The following CDK11A variants were observed in gnomAD, a reference collection of about 807,000 sequenced individuals.
The protein encoded by CDK11A is cyclin dependent kinase 11A.
Under a neutral mutation model 83.6 loss-of-function variants are expected in CDK11A, and 55 were observed. That is an observed-to-expected ratio of 0.66 (90% CI 0.53 to 0.82). CDK11A has a LOEUF of 0.82. CDK11A is among the 40% of genes least tolerant of loss of function. The pLI, the probability that CDK11A is intolerant of heterozygous loss-of-function variation, is 0.00. For missense variants in CDK11A, 564 were observed against 810.1 expected (o/e 0.70, Z 3.69); for synonymous variants, 247 against 302.7 (o/e 0.82, Z 1.91).
At position 1,702,511 on chromosome 1, in the gene CDK11A, C is replaced by T. The variant is rs1306907565; in HGVS notation, c.*396G>A. Among the ~76,000 whole-genome samples, 1 of 119,698 alleles carries T rather than the reference C, an allele frequency of 8.4e-6. No individual in the cohort carries two copies. The highest frequency in any genetic ancestry group is 2.9e-5 in the African/African-American group (1 of 35,064). 78.5% of individuals were successfully genotyped at this position (119,698 alleles called of 152,430 possible). A position where few individuals can be genotyped will look rare whatever the true frequency, so the allele number is the denominator to read the frequency against. On this transcript the variant is annotated 3_prime_UTR_variant, in exon 20 of 20. Transcript: ENST00000404249. ...CCTGTGTGGACAGGGCTGGTCTGGA[C>T]GAGTGGGTTGGGGCAAGAGGGCATC...
At chr1:1,708,546 C>T (rs1326255950) in intron 9 of CDK11A, among the ~76,000 whole-genome samples, 4 of 124,910 alleles carry the variant, frequency 3.2e-5, no homozygotes, top group Non-Finnish European at 5.4e-5. Context: ...GAGGCTGAGG[C>T]GGGAGGATCA....
intron 2 of CDK11A, among the ~76,000 whole-genome samples, chr1:1,722,270 A>C (rs887497558): frequency 2.0e-5 from 3 of 150,926 alleles, no homozygotes; most frequent in Non-Finnish European, 4.4e-5. Context: ...ATGATGCTAC[A>C]AATCTTAGCA....
At chr1:1,710,574 GAGAAACAA>G (rs1480465093) in intron 6 of CDK11A, among the ~76,000 whole-genome samples, 3 of 130,178 alleles carry the variant, frequency 2.3e-5, no homozygotes, top group African/African-American at 7.9e-5. Flanking sequence ...AAAAACACAA[GAGAAACAA>G]AGAAACAGGA....
chr1:1,720,037 A>T (rs1033672374), intron 3 of CDK11A, among the ~76,000 whole-genome samples: 11 of 150,946 alleles, frequency 7.3e-5, no homozygotes, highest in African/African-American at 2.7e-4. Context: ...CTGTGGTGAC[A>T]GTTTCAGGGG....
chr1:1,706,070 CT>C, intron 11 of CDK11A, among the ~76,000 whole-genome samples: 2 of 61,990 alleles, frequency 3.2e-5, no homozygotes, highest in South Asian at 9.1e-4. Context: ...TAGCAACACT[CT>C]GTTTTCTTTT....
At chr1:1,717,629 C>T (rs1644718682) in intron 4 of CDK11A, among the ~76,000 whole-genome samples, 1 of 33,030 alleles carries the variant, frequency 3.0e-5, no homozygotes, top group African/African-American at 5.5e-5. Flanking sequence ...TTTGCTCTCT[C>T]TGGTTTTCGG....
At chr1:1,717,825 A>G (rs796802245) in intron 4 of CDK11A, among the ~76,000 whole-genome samples, 115 of 141,828 alleles carry the variant, frequency 8.1e-4, no homozygotes, top group African/African-American at 2.9e-3. Flanking sequence ...GCTTTCAGCT[A>G]GAGTATCCTC....
At chr1:1,704,514 C>A (rs952261616) in intron 14 of CDK11A, 36 bp downstream of exon 14, 1 of 1,593,464 alleles carries the variant, frequency 6.3e-7, no homozygotes. Flanking sequence ...ACTGCCCCCA[C>A]TTGTACGCAG....
In CDK11A at chr1:1,702,603, T is replaced by C. The variant is rs1261483646; in HGVS notation, c.*304A>G. On this transcript the variant is annotated 3_prime_UTR_variant, in exon 20 of 20. Coordinates refer to ENST00000404249, the MANE Select transcript of CDK11A (RefSeq NM_024011.4). ...AAACAATCCACCCGGCTCCCACCAG[T>C]TCCTTTCCAAATCACGGCCCAGCCA... The C allele has an allele frequency of 1.5e-5, 6 of 408,650 alleles. 1 individual carries two copies. The highest frequency in any genetic ancestry group is 1.9e-5 in the Non-Finnish European group (4 of 215,708). The allele number at this position is 408,650 out of a possible 1,614,324, so 25.3% of individuals were successfully genotyped here.
intron 9 of CDK11A, 65 bp from the exon 10 acceptor site, chr1:1,708,310 C>A: frequency 7.0e-7 from 1 of 1,425,690 alleles, no homozygotes. Context: ...AGGCAGGATG[C>A]GGGCTCCGCT....
rs575020889 is a variant in CDK11A, at chr1:1,703,421, G to T, written c.2060+55C>A. 2,440 of 1,375,966 alleles carry T rather than the reference G, an allele frequency of 1.8e-3. 45 individuals carry two copies. Among genetic ancestry groups the T allele is most frequent in the African/African-American group, 8.1e-3 (297 of 36,818 alleles). 85.2% of individuals were successfully genotyped at this position (1,375,966 alleles called of 1,614,324 possible). A position where few individuals can be genotyped will look rare whatever the true frequency, so the allele number is the denominator to read the frequency against. ...TGAGCCAGCAGGTAGGCCTGGGACT[G>T]GGAAGTCACCGCTATGGCTCGGGAC... On this transcript the variant is annotated intron_variant, in intron 18 of 19. Transcript: ENST00000404249.
intron 11 of CDK11A, among the ~76,000 whole-genome samples, chr1:1,706,233 A>C (rs933526741): frequency 6.7e-6 from 1 of 149,992 alleles, no homozygotes; most frequent in Non-Finnish European, 1.5e-5. Flanking sequence ...CCACCACGCC[A>C]GGCTAATTTT....
chr1:1,704,927 G>C lies in CDK11A; in HGVS notation c.1435C>G (p.His479Asp). 6.3e-7 allele frequency: 1 copy of C among 1,595,058 alleles called. No homozygotes were observed. Among genetic ancestry groups the C allele is most frequent in the Non-Finnish European group, 8.5e-7 (1 of 1,172,498 alleles). ...REINTILKAQ[H>D]PNIVTVREIV... ...ACTCTAACGGTGACAATGTTGGGAT[G>C]CTGGGCCTTGAGGATGGTGTTGATC... Residue 479 changes from histidine to aspartate, a missense_variant, in exon 13 of 20, where the codon CAT becomes GAT. Physicochemically the swap from His to Asp is moderately conservative, Grantham distance 81. Around this residue, in one of 5 missense-constraint regions of CDK11A, gnomAD observed 361 missense variants for 402.7 expected, o/e 0.90. Coordinates refer to ENST00000404249, the MANE Select transcript of CDK11A (RefSeq NM_024011.4).
chr1:1,718,495 G>T (rs973978539), intron 4 of CDK11A, among the ~76,000 whole-genome samples: 9 of 149,026 alleles, frequency 6.0e-5, no homozygotes, highest in Non-Finnish European at 1.3e-4. Flanking sequence ...CTGGTTTTCG[G>T]TCTGTGATAC....
chr1:1,716,936 T>G (rs1290245971), intron 4 of CDK11A, among the ~76,000 whole-genome samples: 6 of 106,748 alleles, frequency 5.6e-5, no homozygotes, highest in South Asian at 5.8e-4. Context: ...TTTTTTTTTT[T>G]GAAGAGACAG....
chr1:1,708,447 C>T (rs1644404757), intron 9 of CDK11A, among the ~76,000 whole-genome samples: 1 of 147,670 alleles, frequency 6.8e-6, no homozygotes, highest in African/African-American at 2.5e-5. Context: ...TCGAGACCAT[C>T]CTGGCCAACG....
chr1:1,709,480 CTG>C (rs1399485979), intron 7 of CDK11A, 36 bp downstream of exon 7: 6 of 287,426 alleles, frequency 2.1e-5, no homozygotes, highest in African/African-American at 4.6e-5. Context: ...AAGACTCACA[CTG>C]TGCTGGCTTC....
Position 1,702,418 on chromosome 1 carries a change from C to T in CDK11A, c.*489G>A, listed in dbSNP as rs1644122014. Among the ~76,000 whole-genome samples the T allele has an allele frequency of 9.7e-6, 1 of 103,598 alleles. No individual in the cohort carries two copies. The highest frequency in any genetic ancestry group is 2.2e-5 in the Non-Finnish European group (1 of 46,326). The allele number at this position is 103,598 out of a possible 152,430, so 68.0% of individuals were successfully genotyped here. On this transcript the variant is annotated 3_prime_UTR_variant, in exon 20 of 20. Coordinates refer to ENST00000404249, the MANE Select transcript of CDK11A (RefSeq NM_024011.4). ...GAATATTTTAATACATTTTAAAACTCAACAACCTTGTATAAAAACCTGTCG... is the reference window on the plus strand; with the variant it reads ...GAATATTTTAATACATTTTAAAACTTAACAACCTTGTATAAAAACCTGTCG...
intron 2 of CDK11A, chr1:1,721,974 A>G: frequency 2.8e-6 from 1 of 363,564 alleles, no homozygotes; most frequent in African/African-American, 2.1e-5. Context: ...ACACGGAGAG[A>G]CCCCATCTCT....
Sources: allele counts gnomAD v4.1 joint callset (sites outside exome capture counted in the v4.1 genomes callset), GRCh38; gene constraint gnomAD v4.1.1; regional missense constraint gnomAD v4.1.1; transcripts MANE v1.5; gene names NCBI Gene and HGNC (gene_info 2026-07-23, HGNC 2026-07-21).